Variants in ABCA13 observed in about 807,000 individuals in gnomAD.
ABCA13 encodes the protein ATP binding cassette subfamily A member 13, also known as ATP-binding cassette sub-family A member 13.
In ABCA13, 476 loss-of-function variants were observed where a neutral mutation model predicts 478.7. The ratio of observed to expected loss-of-function variants is 0.99; its 90% CI spans 0.92 to 1.07. The LOEUF is 1.07. ABCA13 is among the 50% of genes least tolerant of loss of function. ABCA13 has a pLI of 0.00. For missense variants in ABCA13, 6,060 were observed against 5,910.6 expected (o/e 1.03, Z -0.83); for synonymous variants, 2,252 against 2,158.9 (o/e 1.04, Z -1.20).
intron 2 of ABCA13, among the ~76,000 whole-genome samples, chr7:48,197,880 C>G (rs1584115761): frequency 6.6e-6 from 1 of 152,088 alleles, no homozygotes; most frequent in African/African-American, 2.4e-5. Flanking sequence ...AAGAAGCATC[C>G]TTTCTATTCT....
chr7:48,621,846 G>C (rs1793168642), intron 59 of ABCA13, among the ~76,000 whole-genome samples: 1 of 152,168 alleles, frequency 6.6e-6, no homozygotes, highest in Non-Finnish European at 1.5e-5. Flanking sequence ...GCATTTTCCT[G>C]ATGCTGGTTT....
chr7:48,275,531 C>T lies in ABCA13; in HGVS notation c.5865C>T (p.Ile1955=), dbSNP rs746356057. 6 of 1,613,720 alleles carry T rather than the reference C, an allele frequency of 3.7e-6. No individual in the cohort carries two copies. The Admixed American group carries it at 8.3e-5, about 22-fold the overall frequency. ...CCATAAAGCAAGTTGCTTTGCAAATCATAGAAAAACTTAAAAATGTCAACT... is the reference window on the plus strand; with the variant it reads ...CCATAAAGCAAGTTGCTTTGCAAATTATAGAAAAACTTAAAAATGTCAACT... ...SGSIKQVALQ[I]IEKLKNVNFT... Residue 1955 remains isoleucine (I), a synonymous_variant, in exon 17 of 62, where the codon ATC becomes ATT. Transcript: ENST00000435803.
In ABCA13 at chr7:48,276,394, A is replaced by T. The variant is rs757284340; in HGVS notation, c.6728A>T (p.Asn2243Ile). Residue 2243 changes from asparagine (N) to isoleucine (I), a missense_variant, in exon 17 of 62, where the codon AAC becomes ATC. By Grantham distance (149) the Asn-to-Ile change is moderately radical. Transcript: ENST00000435803. ...ATGAATTTCATTAACCTTATCTTGAACCATATGCAGTCAGAAACTAGTAGG... is the reference window on the plus strand; with the variant it reads ...ATGAATTTCATTAACCTTATCTTGATCCATATGCAGTCAGAAACTAGTAGG... Reference protein sequence around the residue: ...QIMNFINLILNHMQSETSRKT... With the variant: ...QIMNFINLILIHMQSETSRKT... 8.3e-6 allele frequency: 13 copies of T among 1,557,628 alleles called. No individual in the cohort carries two copies. The African/African-American group carries it at 1.5e-4, about 18-fold the overall frequency.
At chr7:48,503,319 GGC>G (rs1394994567) in intron 48 of ABCA13, among the ~76,000 whole-genome samples, 1 of 152,050 alleles carries the variant, frequency 6.6e-6, no homozygotes, top group Non-Finnish European at 1.5e-5. Flanking sequence ...CAAACTCTTG[GGC>G]TTAAGCAATC....
rs1186947386 is a variant in ABCA13, at chr7:48,614,639, TG to T, written c.14745-645del. 4.7e-4 allele frequency among the ~76,000 whole-genome samples: 71 copies of T among 150,718 alleles called. 1 individual carries two copies. The highest frequency in any genetic ancestry group is 2.9e-3 in the Admixed American group (43 of 14,806). ...AGCAAAGACTTGGAACCAACCCAAATGTCCAACAATGATAGACTGGATTAAG... is the reference window on the plus strand; with the variant it reads ...AGCAAAGACTTGGAACCAACCCAAATTCCAACAATGATAGACTGGATTAAG... On this transcript the variant is annotated intron_variant, in intron 58 of 61. Transcript: ENST00000435803.
At position 48,542,045 on chromosome 7, in the gene ABCA13, A is replaced by G. The variant is rs541896796; in HGVS notation, c.14354+13700A>G. On this transcript the variant is annotated intron_variant, in intron 55 of 61. Transcript: ENST00000435803. ...TCAAGTAAAGGTACATATGAGGCAA[A>G]GACACTACTAAATAAAATACATTCT... 1.5e-4 allele frequency among the ~76,000 whole-genome samples: 23 copies of G among 151,822 alleles called. No individual in the cohort carries two copies. The South Asian group carries it at 4.6e-3, about 30-fold the overall frequency.
chr7:48,386,154 A>G (rs757061765), intron 35 of ABCA13, among the ~76,000 whole-genome samples: 3 of 152,196 alleles, frequency 2.0e-5, no homozygotes, highest in Non-Finnish European at 4.4e-5. Context: ...TGCCATACAC[A>G]CACAAAATAT....
rs780017618 is a variant in ABCA13, at chr7:48,570,925, C to T, written c.14355-9299C>T. 6.8e-4 allele frequency among the ~76,000 whole-genome samples: 103 copies of T among 152,042 alleles called. 1 individual carries two copies. Among genetic ancestry groups the T allele is most frequent in the Non-Finnish European group, 1.1e-3 (72 of 67,960 alleles). ...TTTGTGCTAAATAAGTATTTTCTAA[C>T]ATACCACTTTAAGTCCTTATTGTGT... On this transcript the variant is annotated intron_variant, in intron 55 of 61. Transcript: ENST00000435803.
Position 48,489,302 on chromosome 7 carries a change from T to G in ABCA13, c.13249T>G (p.Leu4417Val), listed in dbSNP as rs1401235251. 6.2e-7 allele frequency: 1 copy of G among 1,612,950 alleles called. No individual in the cohort carries two copies. Among genetic ancestry groups the G allele is most frequent in the East Asian group, 2.2e-5 (1 of 44,844 alleles). ...SYLNHLNNLI[L>V]WQHLPPTVDW... The stretch of plus-strand genomic sequence containing the variant: ...CTTAAATCATCTAAACAACCTTATT[T>G]TGTGGCAGCACCTACCCCCTACTGT... The change falls in exon 48 of 62, where the codon TTG (leucine) becomes GTG (valine). Residue 4417 changes from leucine (L) to valine (V), a missense_variant. Leu to Val is a conservative substitution (Grantham distance 32). Transcript: ENST00000435803.
At chr7:48,440,360 A>C (rs1168217560) in intron 42 of ABCA13, among the ~76,000 whole-genome samples, 3 of 152,240 alleles carry the variant, frequency 2.0e-5, no homozygotes, top group East Asian at 1.9e-4. Context: ...ATCATACAGT[A>C]TATATAGAAG....
At chr7:48,233,668 G>A (rs192127209) in intron 7 of ABCA13, among the ~76,000 whole-genome samples, 64 of 152,192 alleles carry the variant, frequency 4.2e-4, no homozygotes, top group Admixed American at 3.7e-3. Context: ...AAATATTGTC[G>A]TACCTTAATT....
chr7:48,360,537 G>GT (rs1362554806), intron 31 of ABCA13, among the ~76,000 whole-genome samples: 3 of 151,944 alleles, frequency 2.0e-5, no homozygotes, highest in Non-Finnish European at 4.4e-5. Context: ...TTGTGTGTAT[G>GT]TTTTTTATTT....
chr7:48,336,557 AG>A (rs1459170142), intron 28 of ABCA13, among the ~76,000 whole-genome samples: 1 of 152,170 alleles, frequency 6.6e-6, no homozygotes, highest in African/African-American at 2.4e-5. Flanking sequence ...AGCTAAAGTC[AG>A]TTATCAAGGT....
chr7:48,359,599 C>T (rs1810498946), intron 31 of ABCA13, among the ~76,000 whole-genome samples: 1 of 151,872 alleles, frequency 6.6e-6, no homozygotes, highest in East Asian at 1.9e-4. Flanking sequence ...GTGGACTGGT[C>T]CTGGGCAGTA....
At chr7:48,558,637 C>A (rs1786119297) in intron 55 of ABCA13, among the ~76,000 whole-genome samples, 1 of 148,012 alleles carries the variant, frequency 6.8e-6, no homozygotes, top group Admixed American at 6.8e-5. Context: ...CTTCTTGATT[C>A]TTTTGATTTT....
rs17092911 is a variant in ABCA13, at chr7:48,276,127, C to T, written c.6461C>T (p.Ser2154Leu). 14,562 of 1,597,176 alleles carry T rather than the reference C, an allele frequency of 9.1e-3. 123 individuals are homozygous for T. The highest frequency in any genetic ancestry group is 0.057 in the Middle Eastern group (339 of 5,994). ...TLFIPVTNES[S>L]TEDIALLAKA... Reference sequence around the variant, plus strand: ...TTCATTCCTGTGACCAATGAGAGTTCAACTGAAGATATAGCTTTGTTAGCC... The same window carrying T: ...TTCATTCCTGTGACCAATGAGAGTTTAACTGAAGATATAGCTTTGTTAGCC... Residue 2154 changes from serine to leucine, a missense_variant, in exon 17 of 62, where the codon TCA (serine) becomes TTA (leucine). By Grantham distance (145) the Ser-to-Leu change is moderately radical. Transcript: ENST00000435803.
chr7:48,246,565 T>C (rs946968541), intron 13 of ABCA13, among the ~76,000 whole-genome samples: 3 of 150,782 alleles, frequency 2.0e-5, no homozygotes, highest in East Asian at 2.0e-4. Flanking sequence ...ACAATATTTA[T>C]ATTTTTAGAG....
Position 48,274,807 on chromosome 7 carries a change from A to T in ABCA13, c.5141A>T (p.Glu1714Val), listed in dbSNP as rs751990344. ...LVVNLLVGLM[E>V]KFADSSHSWN... ...GTCAATTTGCTTGTTGGCTTGATGG[A>T]AAAATTTGCAGACAGCTCACATTCT... The change falls in exon 17 of 62, where the codon GAA becomes GTA. Residue 1714 changes from glutamate to valine, a missense_variant. Glu to Val is a moderately radical substitution (Grantham distance 121, BLOSUM62 -2). This residue lies in a region of ABCA13 where 4,423 missense variants were observed against 4,309.1 expected (regional missense o/e 1.03). Transcript: ENST00000435803. 6.2e-7 allele frequency: 1 copy of T among 1,613,938 alleles called. No individual in the cohort carries two copies. Among genetic ancestry groups the T allele is most frequent in the Admixed American group, 1.7e-5 (1 of 60,014 alleles).
At chr7:48,563,794 TTGTGTGTGTGTGTG>T (rs200813371) in intron 55 of ABCA13, among the ~76,000 whole-genome samples, 6 of 101,662 alleles carry the variant, frequency 5.9e-5, no homozygotes, top group Non-Finnish European at 7.1e-5. Flanking sequence ...TGTTTACTGC[TTGTGTGTGTGTGTG>T]TGTGTGTGTG....
Sources: allele counts gnomAD v4.1 joint callset (sites outside exome capture counted in the v4.1 genomes callset), GRCh38; gene constraint gnomAD v4.1.1; regional missense constraint gnomAD v4.1.1; transcripts MANE v1.5; gene names NCBI Gene and HGNC (gene_info 2026-07-23, HGNC 2026-07-21).